ERICH2: variants seen among roughly 807,000 people sequenced by gnomAD.
ERICH2 encodes glutamate rich 2.
A neutral mutation model predicts 17.4 loss-of-function variants in ERICH2; 17 were observed. The observed-to-expected ratio is 0.98, with a 90% confidence interval of 0.67 to 1.47. The LOEUF (loss-of-function observed/expected upper bound fraction) is 1.47. Among genes scored for constraint, ERICH2 ranks in the 40% most tolerant of loss-of-function variants. The probability of loss-of-function intolerance (pLI) is 0.00; values close to 1 mark genes in which losing one functional copy is unlikely to be tolerated. For missense variants in ERICH2, 186 were observed against 183.2 expected (o/e 1.01, Z -0.09); for synonymous variants, 51 against 61.1 (o/e 0.83, Z 0.77).
chr2:170,793,994 A>G (rs1447988038), intron 3 of ERICH2, among the ~76,000 whole-genome samples: 1 of 148,372 alleles, frequency 6.7e-6, no homozygotes, highest in Non-Finnish European at 1.5e-5. Flanking sequence ...CACAAATTAG[A>G]CTTTTTTTTC....
chr2:170,779,571 G>A (rs1289184466), upstream of ERICH2, among the ~76,000 whole-genome samples: 1 of 152,054 alleles, frequency 6.6e-6, no homozygotes, highest in Non-Finnish European at 1.5e-5. Flanking sequence ...ATTTAATGCA[G>A]GATAAAGTTT....
At chr2:170,786,471 T>A (rs1170402239) in intron 2 of ERICH2, among the ~76,000 whole-genome samples, 1 of 152,150 alleles carries the variant, frequency 6.6e-6, no homozygotes, top group Non-Finnish European at 1.5e-5. Flanking sequence ...AATTATGATG[T>A]GCCTAGGTGT....
At chr2:170,791,288 T>C (rs1032775012) in intron 2 of ERICH2, among the ~76,000 whole-genome samples, 23 of 152,164 alleles carry the variant, frequency 1.5e-4, no homozygotes, top group Admixed American at 7.2e-4. Context: ...GAACCTACCA[T>C]GTTTAGGTTT....
the ERICH2 span, among the ~76,000 whole-genome samples, chr2:170,773,317 G>A: frequency 6.6e-6 from 1 of 152,206 alleles, no homozygotes; most frequent in Admixed American, 6.5e-5. Flanking sequence ...TTAGAAGCAA[G>A]ATGGCATCAG....
the ERICH2 span, among the ~76,000 whole-genome samples, chr2:170,772,402 G>A: frequency 6.6e-6 from 1 of 152,182 alleles, no homozygotes; most frequent in Non-Finnish European, 1.5e-5. Flanking sequence ...TTTATTGGTA[G>A]CTAATTATTT....
upstream of ERICH2, chr2:170,782,403 T>C: frequency 1.0e-6 from 1 of 979,196 alleles, no homozygotes; most frequent in African/African-American, 1.7e-5. Context: ...ATAACATTTG[T>C]TTCATTGAAT....
chr2:170,794,561 C>G (rs1008917714), intron 3 of ERICH2, among the ~76,000 whole-genome samples: 1 of 152,184 alleles, frequency 6.6e-6, no homozygotes, highest in Non-Finnish European at 1.5e-5. Context: ...ATTTAATGAT[C>G]TGGAAAGATT....
At chr2:170,779,936 A>AATC (rs1700989417), upstream of ERICH2, 3 of 599,750 alleles carry the variant, frequency 5.0e-6, no homozygotes, top group Admixed American at 1.9e-4. Flanking sequence ...GACAAGTATA[A>AATC]ATCATTTTAT....
chr2:170,778,251 A>G, the ERICH2 span: 1 of 152,170 alleles, frequency 6.6e-6, no homozygotes, highest in African/African-American at 2.4e-5. Context: ...AATCTATTAA[A>G]GCCCTTCCTG....
chr2:170,784,932 G>C, intron 2 of ERICH2, 99 bp downstream of exon 7: 1 of 1,005,496 alleles, frequency 9.9e-7, no homozygotes, highest in South Asian at 2.7e-5. Context: ...TAAAAAAGTA[G>C]ATCTCATGGA....
At chr2:170,775,931 A>G in the ERICH2 span, among the ~76,000 whole-genome samples, 4,372 of 152,266 alleles carry the variant, frequency 0.029, 225 homozygotes, top group African/African-American at 0.1. Flanking sequence ...CCTGAATTTT[A>G]TATTCCAGAA....
the ERICH2 span, among the ~76,000 whole-genome samples, chr2:170,776,550 G>C: frequency 6.6e-6 from 1 of 152,182 alleles, no homozygotes; most frequent in South Asian, 2.1e-4. Flanking sequence ...GCTAATTTTT[G>C]TATTTTTAGT....
At chr2:170,779,181 G>A (rs1209807595), upstream of ERICH2, among the ~76,000 whole-genome samples, 1 of 152,134 alleles carries the variant, frequency 6.6e-6, no homozygotes, top group African/African-American at 2.4e-5. Context: ...ACATTGGAGT[G>A]GGGAGATCTT....
chr2:170,776,677 C>G, the ERICH2 span, among the ~76,000 whole-genome samples: 5 of 152,104 alleles, frequency 3.3e-5, no homozygotes, highest in African/African-American at 1.2e-4. Flanking sequence ...CGCGCCCGGC[C>G]TTAAAAGCTG....
chr2:170,772,182 A>G, the ERICH2 span, among the ~76,000 whole-genome samples: 2 of 152,152 alleles, frequency 1.3e-5, no homozygotes, highest in African/African-American at 4.8e-5. Flanking sequence ...CCAGAATTCC[A>G]GAGCTTTCTA....
At chr2:170,781,375 C>G (rs1263831352), upstream of ERICH2, among the ~76,000 whole-genome samples, 2 of 152,118 alleles carry the variant, frequency 1.3e-5, no homozygotes, top group African/African-American at 2.4e-5. Flanking sequence ...GTGGTTCATG[C>G]CTGTAATCCC....
At chr2:170,770,944 C>G in the ERICH2 span, among the ~76,000 whole-genome samples, 1 of 148,842 alleles carries the variant, frequency 6.7e-6, no homozygotes, top group Non-Finnish European at 1.5e-5. Flanking sequence ...CGCCTCCACC[C>G]TGCCTCTCCG....
At chr2:170,793,722 G>A (rs899684259) in intron 3 of ERICH2, among the ~76,000 whole-genome samples, 8 of 152,106 alleles carry the variant, frequency 5.3e-5, no homozygotes, top group Admixed American at 1.3e-4. Context: ...CCCTGAGGTG[G>A]GAAAACCACT....
Position 170,797,147 on chromosome 2 carries a change from C to T in ERICH2, c.275-894C>T, listed in dbSNP as rs540328249. 8.5e-5 allele frequency among the ~76,000 whole-genome samples: 13 copies of T among 152,258 alleles called. 1 individual carries two copies. Among genetic ancestry groups the T allele is most frequent in the African/African-American group, 2.6e-4 (11 of 41,546 alleles). On this transcript the variant is annotated intron_variant, in intron 3 of 4. Coordinates refer to ENST00000409885, the Ensembl canonical transcript of ERICH2. ...CAGGCAATGACCAACGTGTAGACTA[C>T]AGTAAAAGTTGTCAAGATGAAGAGA...
Sources: gnomAD v4.1 joint callset for allele counts (sites outside exome capture counted in the v4.1 genomes callset) on GRCh38, gnomAD v4.1.1 for gene constraint, MANE v1.5 for transcripts, NCBI Gene and HGNC (gene_info 2026-07-23, HGNC 2026-07-21) for gene names.